Variants in PLCB1 observed in about 807,000 individuals in gnomAD.
PLCB1 encodes the protein 1-phosphatidylinositol 4,5-bisphosphate phosphodiesterase beta-1.
PLCB1 carries 46 observed loss-of-function variants against 161.8 expected under a neutral mutation model. The observed-to-expected ratio is 0.28, with a 90% CI of 0.22 to 0.36. PLCB1 has a LOEUF of 0.36. Ranked by LOEUF, PLCB1 falls within the 10% of genes least tolerant of loss-of-function variation. The pLI is 1.00. For missense variants in PLCB1, 1,016 were observed against 1,472.5 expected, an observed-to-expected ratio of 0.69 and a Z score of 5.07; for synonymous variants, 517 against 503.7, an observed-to-expected ratio of 1.03 and a Z score of -0.35.
chr20:8,551,686 C>G (rs1985780757), intron 3 of PLCB1, among the ~76,000 whole-genome samples: 1 of 152,148 alleles, frequency 6.6e-6, no homozygotes, highest in East Asian at 1.9e-4. Context: ...TGCACCATCC[C>G]TGGAGCATCT....
intron 2 of PLCB1, among the ~76,000 whole-genome samples, chr20:8,336,820 C>T (rs1335018473): frequency 1.3e-5 from 2 of 152,208 alleles, no homozygotes; most frequent in East Asian, 3.9e-4. Context: ...TACTGTCTCA[C>T]CATTATTCAT....
rs141138442 is a variant in PLCB1 at position 8,246,254 on chromosome 20, T to G, written c.177+95883T>G. Among the ~76,000 whole-genome samples the G allele has an allele frequency of 8.5e-5, 13 of 152,080 alleles. No individual in the cohort carries two copies. In the East Asian group the frequency reaches 2.1e-3, roughly 25 times the overall value. ...ATTATGTGATCATCTGGTAAGGGCT[T>G]AGCAGCAGGGTTCTTCTGTTGCATC... On this transcript the variant is annotated intron_variant, in intron 2 of 31. Coordinates refer to ENST00000338037, the MANE Select transcript of PLCB1 (RefSeq NM_015192.4).
chr20:8,577,273 CA>C (rs60742411), intron 3 of PLCB1, among the ~76,000 whole-genome samples: 1,638 of 126,894 alleles, frequency 0.013, 19 homozygotes, highest in African/African-American at 0.029. Context: ...ATTAAAAATA[CA>C]AAAAAAAAAA....
chr20:8,525,411 A>G (rs530258265), intron 3 of PLCB1, among the ~76,000 whole-genome samples: 1 of 152,298 alleles, frequency 6.6e-6, no homozygotes, highest in Admixed American at 6.5e-5. Context: ...ATCTGTCAGC[A>G]TGGCAATATT....
chr20:8,210,206 A>C (rs1020588171), intron 2 of PLCB1, among the ~76,000 whole-genome samples: 4 of 152,158 alleles, frequency 2.6e-5, no homozygotes, highest in Non-Finnish European at 5.9e-5. Context: ...AATTATTATT[A>C]CTAAAATGAA....
At chr20:8,842,321 A>G (rs1262163292) in intron 31 of PLCB1, among the ~76,000 whole-genome samples, 1 of 152,198 alleles carries the variant, frequency 6.6e-6, no homozygotes, top group Non-Finnish European at 1.5e-5. Flanking sequence ...TTATTATTAG[A>G]ACTTCTTGCT....
chr20:8,532,199 A>G (rs1193120208), intron 3 of PLCB1, among the ~76,000 whole-genome samples: 3 of 152,240 alleles, frequency 2.0e-5, no homozygotes, highest in Admixed American at 2.0e-4. Flanking sequence ...AAATAAAACA[A>G]AATGAGCGTT....
chr20:8,299,248 A>G (rs1983782815), intron 2 of PLCB1, among the ~76,000 whole-genome samples: 1 of 152,170 alleles, frequency 6.6e-6, no homozygotes, highest in African/African-American at 2.4e-5. Context: ...TATCCTGACC[A>G]ACATATAAAG....
intron 2 of PLCB1, among the ~76,000 whole-genome samples, chr20:8,204,504 G>A (rs935880413): frequency 2.0e-5 from 3 of 152,062 alleles, no homozygotes; most frequent in African/African-American, 4.8e-5. Flanking sequence ...ATGGGGCCTG[G>A]TGGAAAGTGT....
intron 31 of PLCB1, among the ~76,000 whole-genome samples, chr20:8,823,673 G>A (rs929318331): frequency 1.3e-5 from 2 of 152,158 alleles, no homozygotes; most frequent in African/African-American, 4.8e-5. Flanking sequence ...TGATGTGAGA[G>A]CATATTCCCT....
At chr20:8,442,040 T>C (rs940856899) in intron 3 of PLCB1, among the ~76,000 whole-genome samples, 3 of 152,174 alleles carry the variant, frequency 2.0e-5, no homozygotes, top group African/African-American at 7.2e-5. Flanking sequence ...ATCTAGAATA[T>C]AGAAATAAAA....
intron 8 of PLCB1, among the ~76,000 whole-genome samples, chr20:8,657,746 C>T (rs1037457256): frequency 2.6e-5 from 4 of 151,870 alleles, no homozygotes; most frequent in African/African-American, 9.7e-5. Flanking sequence ...CAAGGCATTA[C>T]CTTTTTTTGA....
In PLCB1 at chr20:8,309,669, A is replaced by G. The variant is rs577013412; in HGVS notation, c.178-61713A>G. ...TATAGGGTGAGAAGCAATCGCGTCC[A>G]TAATTCCGTTGACAGCAGTTTTCTT... is the stretch of plus-strand genomic sequence containing the variant. On this transcript the variant is annotated intron_variant, in intron 2 of 31. Transcript: ENST00000338037. 3.1e-4 allele frequency among the ~76,000 whole-genome samples: 47 copies of G among 152,354 alleles called. No homozygotes were observed. In the South Asian group the frequency reaches 9.5e-3, roughly 31 times the overall value.
intron 9 of PLCB1, among the ~76,000 whole-genome samples, chr20:8,667,822 G>A (rs887842991): frequency 6.6e-6 from 1 of 152,160 alleles, no homozygotes; most frequent in African/African-American, 2.4e-5. Flanking sequence ...GAGGTGCCTT[G>A]CCATTTCATG....
intron 12 of PLCB1, 90 bp from the exon 13 acceptor site, chr20:8,716,174 C>A: frequency 1.1e-6 from 1 of 899,150 alleles, no homozygotes; most frequent in East Asian, 2.5e-5. Context: ...AGAATTACTT[C>A]TTTCTGTAGT....
At chr20:8,604,336 A>G (rs1479633502) in intron 3 of PLCB1, among the ~76,000 whole-genome samples, 1 of 151,692 alleles carries the variant, frequency 6.6e-6, no homozygotes, top group Non-Finnish European at 1.5e-5. Context: ...AATATGTAAT[A>G]TAAATGAAAC....
chr20:8,243,597 G>A (rs1404045820), intron 2 of PLCB1, among the ~76,000 whole-genome samples: 1 of 151,882 alleles, frequency 6.6e-6, no homozygotes, highest in Admixed American at 6.6e-5. Flanking sequence ...ATGCTTTGTG[G>A]TGCTTACTTT....
chr20:8,701,807 G>A (rs1978378597), intron 11 of PLCB1, among the ~76,000 whole-genome samples: 1 of 152,078 alleles, frequency 6.6e-6, no homozygotes, highest in Non-Finnish European at 1.5e-5. Context: ...AGTCTTTCTT[G>A]CCTCTGCTCA....
At chr20:8,516,058 C>T (rs912511521) in intron 3 of PLCB1, among the ~76,000 whole-genome samples, 4 of 152,194 alleles carry the variant, frequency 2.6e-5, no homozygotes, top group African/African-American at 9.6e-5. Context: ...ACCATCAGCT[C>T]TTGTGAGACT....
Sources: gnomAD v4.1 joint callset for allele counts (sites outside exome capture counted in the v4.1 genomes callset) on GRCh38, gnomAD v4.1.1 for gene constraint, MANE v1.5 for transcripts, NCBI Gene and HGNC (gene_info 2026-07-23, HGNC 2026-07-21) for gene names.